The following NUBPL variants were observed in gnomAD, a reference collection of about 807,000 sequenced individuals.
NUBPL encodes NUBP iron-sulfur cluster assembly factor, mitochondrial, also known as iron-sulfur cluster transfer protein NUBPL.
Under a neutral mutation model 45.7 loss-of-function variants are expected in NUBPL, and 31 were observed. The ratio of observed to expected loss-of-function variants is 0.68; its 90% CI spans 0.51 to 0.92. NUBPL has a LOEUF of 0.92. NUBPL is among the 40% of genes least tolerant of loss of function. NUBPL has a pLI of 0.00. For missense variants in NUBPL, 401 were observed against 398.7 expected, an observed-to-expected ratio of 1.01 and a Z score of -0.05; for synonymous variants, 144 against 140.9, an observed-to-expected ratio of 1.02 and a Z score of -0.15.
At chr14:31,764,080 C>A (rs572519344) in intron 6 of NUBPL, among the ~76,000 whole-genome samples, 2 of 152,062 alleles carry the variant, frequency 1.3e-5, no homozygotes, top group African/African-American at 4.8e-5. Flanking sequence ...CTGTATTGAG[C>A]CCTATCATGA....
At chr14:31,683,683 T>A (rs1232904175) in intron 6 of NUBPL, among the ~76,000 whole-genome samples, 1 of 152,134 alleles carries the variant, frequency 6.6e-6, no homozygotes, top group Non-Finnish European at 1.5e-5. Context: ...ACCTACACAC[T>A]TGCTATTTCA....
intron 6 of NUBPL, among the ~76,000 whole-genome samples, chr14:31,684,884 A>G (rs1165280140): frequency 6.6e-6 from 1 of 152,178 alleles, no homozygotes. Flanking sequence ...AGTAAGGGAA[A>G]GTAATGAATT....
intron 8 of NUBPL, among the ~76,000 whole-genome samples, chr14:31,832,185 G>A (rs759164915): frequency 2.0e-5 from 3 of 152,118 alleles, no homozygotes; most frequent in Non-Finnish European, 2.9e-5. Context: ...CTTCCATGTA[G>A]TCAAGATGTG....
In NUBPL at chr14:31,697,200, A is replaced by G. The variant is rs559444502; in HGVS notation, c.513+23626A>G. On this transcript the variant is annotated intron_variant, in intron 6 of 10. Transcript: ENST00000281081. ...TAACTGTAGCTCTGACAAAAGTAGG[A>G]AGCATGCAGAAAGCTGGCTTGTTTA... Among the ~76,000 whole-genome samples the G allele has an allele frequency of 1.1e-4, 16 of 152,338 alleles. No individual in the cohort carries two copies. The East Asian group carries it at 2.1e-3, about 20-fold the overall frequency.
intron 6 of NUBPL, among the ~76,000 whole-genome samples, chr14:31,729,288 C>CCCCCCA (rs1566527571): frequency 1.5e-5 from 2 of 132,696 alleles, no homozygotes; most frequent in African/African-American, 6.0e-5. Context: ...CCCCCCCCCC[C>CCCCCCA]AAAAAAAAAG....
chr14:31,640,793 A>G (rs2035671286), intron 4 of NUBPL, among the ~76,000 whole-genome samples: 1 of 152,102 alleles, frequency 6.6e-6, no homozygotes, highest in Admixed American at 6.5e-5. Flanking sequence ...GTAAAGACCA[A>G]ATCAGGGTAA....
At chr14:31,616,744 T>C (rs2139617489) in intron 4 of NUBPL, among the ~76,000 whole-genome samples, 1 of 152,338 alleles carries the variant, frequency 6.6e-6, no homozygotes, top group South Asian at 2.1e-4. Context: ...AGGATTGTCT[T>C]GTCTATATGG....
intron 6 of NUBPL, among the ~76,000 whole-genome samples, chr14:31,676,675 T>G (rs1458958299): frequency 6.6e-6 from 1 of 152,052 alleles, no homozygotes; most frequent in Non-Finnish European, 1.5e-5. Context: ...ATCAATAATA[T>G]TGAGCCCTTT....
intron 8 of NUBPL, among the ~76,000 whole-genome samples, chr14:31,832,598 A>T (rs1211889008): frequency 2.0e-5 from 3 of 152,314 alleles, no homozygotes; most frequent in Admixed American, 1.3e-4. Flanking sequence ...TCTTTAAAAA[A>T]TTTCTTATAT....
rs539511362 is a variant in NUBPL at position 31,753,439 on chromosome 14, C to T, written c.514-34341C>T. Among the ~76,000 whole-genome samples the T allele has an allele frequency of 1.8e-4, 28 of 152,200 alleles. No homozygotes were observed. The East Asian group carries it at 2.3e-3, about 13-fold the overall frequency. ...TAGCCTGCTTTCTGTGCTAGACCAC[C>T]GGGAGTATAGTACACAGTGTGGTAC... On this transcript the variant is annotated intron_variant, in intron 6 of 10. Transcript: ENST00000281081.
intron 4 of NUBPL, among the ~76,000 whole-genome samples, chr14:31,663,509 T>C (rs1031354676): frequency 2.0e-5 from 3 of 152,224 alleles, no homozygotes; most frequent in Non-Finnish European, 4.4e-5. Flanking sequence ...CTTTTCCTAT[T>C]GCCTGTTTGT....
intron 6 of NUBPL, among the ~76,000 whole-genome samples, chr14:31,717,488 G>A (rs2037715367): frequency 6.6e-6 from 1 of 152,172 alleles, no homozygotes; most frequent in Non-Finnish European, 1.5e-5. Flanking sequence ...ATTCATTCCA[G>A]ACAGTGCTCT....
chr14:31,646,848 G>GT lies in NUBPL; in HGVS notation c.383-26497dup, dbSNP rs34912965. Reference sequence around the variant, plus strand: ...TTCAGCACCAACACTTCTCAAATTTGTTTTTTTTTTGAGATAATTTTCTAT... The same window carrying GT: ...TTCAGCACCAACACTTCTCAAATTTGTTTTTTTTTTTGAGATAATTTTCTAT... On this transcript the variant is annotated intron_variant, in intron 4 of 10. Transcript: ENST00000281081. Among the ~76,000 whole-genome samples, 836 of 147,124 alleles carry GT rather than the reference G, an allele frequency of 5.7e-3. 6 individuals carry two copies. The highest frequency in any genetic ancestry group is 0.015 in the African/African-American group (604 of 39,754).
At chr14:31,575,963 T>A (rs1188780232) in intron 3 of NUBPL, among the ~76,000 whole-genome samples, 1 of 152,224 alleles carries the variant, frequency 6.6e-6, no homozygotes, top group Non-Finnish European at 1.5e-5. Context: ...AAGAAATGTG[T>A]TTTATATTTA....
At chr14:31,647,186 C>T (rs1166773280) in intron 4 of NUBPL, among the ~76,000 whole-genome samples, 1 of 152,036 alleles carries the variant, frequency 6.6e-6, no homozygotes, top group African/African-American at 2.4e-5. Context: ...TCACATTTAG[C>T]CATCTTGTTA....
At position 31,823,479 on chromosome 14, in the gene NUBPL, G is replaced by A. The variant is rs183101028; in HGVS notation, c.608-3150G>A. Among the ~76,000 whole-genome samples, 29 of 152,220 alleles carry A rather than the reference G, an allele frequency of 1.9e-4. No individual in the cohort carries two copies. The East Asian group carries it at 2.1e-3, about 11-fold the overall frequency. ...CATACTAATATATAGTGAAGGAGAAGATTTGGAGGAAATAGCCAAGGAGAT... is the reference window on the plus strand; with the variant it reads ...CATACTAATATATAGTGAAGGAGAAAATTTGGAGGAAATAGCCAAGGAGAT... On this transcript the variant is annotated intron_variant, in intron 7 of 10. Coordinates refer to ENST00000281081, the MANE Select transcript of NUBPL (RefSeq NM_025152.3).
chr14:31,705,403 C>G (rs983875553), intron 6 of NUBPL, among the ~76,000 whole-genome samples: 1 of 152,210 alleles, frequency 6.6e-6, no homozygotes, highest in Non-Finnish European at 1.5e-5. Context: ...CCTTATCTAG[C>G]CTCACCCACA....
chr14:31,590,475 G>A (rs573123132), intron 3 of NUBPL, among the ~76,000 whole-genome samples: 3 of 152,258 alleles, frequency 2.0e-5, no homozygotes, highest in East Asian at 1.9e-4. Context: ...CTGCTGGGCC[G>A]CTCTGATTTT....
At chr14:31,607,138 C>T (rs1032651419) in intron 4 of NUBPL, among the ~76,000 whole-genome samples, 19 of 152,186 alleles carry the variant, frequency 1.2e-4, no homozygotes, top group African/African-American at 3.4e-4. Context: ...CCTAGCACTT[C>T]GTGAGGCCGA....
Sources: gnomAD v4.1 joint callset for allele counts (sites outside exome capture counted in the v4.1 genomes callset) on GRCh38, gnomAD v4.1.1 for gene constraint, MANE v1.5 for transcripts, NCBI Gene and HGNC (gene_info 2026-07-23, HGNC 2026-07-21) for gene names.